The following CAST variants were observed in gnomAD, a reference collection of about 807,000 sequenced individuals.
CAST encodes the protein MIR583 host.
Under a neutral mutation model 119.6 loss-of-function variants are expected in CAST, and 76 were observed. The observed-to-expected ratio is 0.64, with a 90% CI of 0.53 to 0.77. The LOEUF (loss-of-function observed/expected upper bound fraction) is 0.77, where lower values mean the gene tolerates loss of function less well. Ranked by LOEUF, CAST falls within the 30% of genes least tolerant of loss-of-function variation. The pLI is 0.00. For synonymous variants in CAST, 319 were observed against 331.6 expected (o/e 0.96, Z 0.41); for missense variants, 953 against 946.5 (o/e 1.01, Z -0.09).
At chr5:96,550,274 G>A (rs1209233346) in intron 1 of CAST, among the ~76,000 whole-genome samples, 4 of 152,228 alleles carry the variant, frequency 2.6e-5, no homozygotes, top group South Asian at 2.1e-4. Flanking sequence ...GGCAAACAGG[G>A]TCTGGAGTGG....
the CAST span, among the ~76,000 whole-genome samples, chr5:96,152,228 A>G: frequency 6.6e-6 from 1 of 152,170 alleles, no homozygotes; most frequent in African/African-American, 2.4e-5. Flanking sequence ...TGGAAAAATG[A>G]CTCACCTTTG....
the CAST span, among the ~76,000 whole-genome samples, chr5:96,050,376 G>T: frequency 6.6e-6 from 1 of 152,072 alleles, no homozygotes; most frequent in African/African-American, 2.4e-5. Context: ...GAAGTATAGG[G>T]TGGGAGGGGG....
the CAST span, among the ~76,000 whole-genome samples, chr5:96,103,337 T>C: frequency 7.0e-6 from 1 of 142,884 alleles, no homozygotes; most frequent in Non-Finnish European, 1.5e-5. Context: ...CTCCCAATGC[T>C]ATCCCTCCCC....
At chr5:96,342,487 C>T in the CAST span, among the ~76,000 whole-genome samples, 1 of 152,138 alleles carries the variant, frequency 6.6e-6, no homozygotes, top group African/African-American at 2.4e-5. Flanking sequence ...GATCTGGAAG[C>T]CACTCTTGGA....
the CAST span, among the ~76,000 whole-genome samples, chr5:96,300,532 T>G: frequency 6.6e-6 from 1 of 152,172 alleles, no homozygotes; most frequent in Non-Finnish European, 1.5e-5. Flanking sequence ...TCAAGTAGTG[T>G]GATGCTTCCA....
intron 1 of CAST, among the ~76,000 whole-genome samples, chr5:96,580,804 G>C (rs1043506084): frequency 6.6e-6 from 1 of 152,242 alleles, no homozygotes; most frequent in African/African-American, 2.4e-5. Context: ...GCTATGGTAT[G>C]AATGTTTCTG....
At chr5:96,301,230 A>G in the CAST span, among the ~76,000 whole-genome samples, 9 of 152,210 alleles carry the variant, frequency 5.9e-5, no homozygotes, top group African/African-American at 2.2e-4. Context: ...AGATCTTATG[A>G]GAACTCACTT....
chr5:96,304,074 A>G, the CAST span, among the ~76,000 whole-genome samples: 1 of 152,200 alleles, frequency 6.6e-6, no homozygotes, highest in Non-Finnish European at 1.5e-5. Context: ...CAACAGTGTA[A>G]AAGCGTTCCT....
the CAST span, among the ~76,000 whole-genome samples, chr5:96,498,679 A>G: frequency 1.1e-4 from 16 of 152,356 alleles, 1 homozygote; most frequent in African/African-American, 3.6e-4. Flanking sequence ...GTAAATAATT[A>G]TCTTGTTAAC....
At chr5:95,978,492 G>A in the CAST span, among the ~76,000 whole-genome samples, 1 of 151,850 alleles carries the variant, frequency 6.6e-6, no homozygotes, top group African/African-American at 2.4e-5. Flanking sequence ...TTTTTTATGT[G>A]GTTGTTTTTT....
chr5:96,455,708 G>T, the CAST span, among the ~76,000 whole-genome samples: 3 of 152,100 alleles, frequency 2.0e-5, no homozygotes, highest in Non-Finnish European at 4.4e-5. Flanking sequence ...CTGGCTTTTC[G>T]CATAGCTTAA....
At chr5:96,284,308 A>G in the CAST span, among the ~76,000 whole-genome samples, 1 of 152,116 alleles carries the variant, frequency 6.6e-6, no homozygotes, top group Admixed American at 6.5e-5. Flanking sequence ...TCTCATCTCA[A>G]TCCTCAATCA....
intron 1 of CAST, among the ~76,000 whole-genome samples, chr5:96,616,791 C>CAT (rs1747467034): frequency 7.0e-6 from 1 of 143,028 alleles, no homozygotes; most frequent in Non-Finnish European, 1.5e-5. Flanking sequence ...CACACACACA[C>CAT]ACACATATAC....
At chr5:96,696,950 C>G (rs1383978441) in intron 3 of CAST, among the ~76,000 whole-genome samples, 4 of 151,968 alleles carry the variant, frequency 2.6e-5, no homozygotes, top group Admixed American at 1.3e-4. Context: ...ATCACGAGGT[C>G]AGAAGTTCAA....
Position 96,729,695 on chromosome 5 carries a change from G to A in CAST, c.519G>A (p.Gln173=), listed in dbSNP as rs1339875220. Residue 173 remains glutamine, a synonymous_variant, in exon 8 of 32, where the codon CAG becomes CAA. Transcript: ENST00000675179. ...AAGCAGTTTCCAGATCAGCTGAACA[G>A]CAGCCATCAGAGAAATCAACAGAAC... ...NKKAVSRSAE[Q]QPSEKSTEPK... 6.4e-7 allele frequency: 1 copy of A among 1,559,182 alleles called. No homozygotes were observed. The highest frequency in any genetic ancestry group is 8.8e-7 in the Non-Finnish European group (1 of 1,130,068).
the CAST span, among the ~76,000 whole-genome samples, chr5:96,387,641 A>G: frequency 6.6e-6 from 1 of 152,178 alleles, no homozygotes; most frequent in South Asian, 2.1e-4. Context: ...GGAACACTCA[A>G]ATGATACTCT....
the CAST span, among the ~76,000 whole-genome samples, chr5:96,183,552 A>G: frequency 2.6e-5 from 4 of 152,170 alleles, no homozygotes; most frequent in African/African-American, 4.8e-5. Flanking sequence ...TTTATTATGA[A>G]GCATTACTTC....
At chr5:96,441,321 T>A in the CAST span, among the ~76,000 whole-genome samples, 11 of 152,228 alleles carry the variant, frequency 7.2e-5, no homozygotes, top group Admixed American at 7.2e-4. Flanking sequence ...TTTTAGTGTG[T>A]TCCCCTTCCT....
chr5:96,522,698 C>T (rs1449477603), upstream of CAST, among the ~76,000 whole-genome samples: 3 of 152,150 alleles, frequency 2.0e-5, no homozygotes, highest in African/African-American at 4.8e-5. Context: ...CCATTCCATT[C>T]GCAGGTATTT....
Sources: allele counts gnomAD v4.1 joint callset (sites outside exome capture counted in the v4.1 genomes callset), GRCh38; gene constraint gnomAD v4.1.1; transcripts MANE v1.5; gene names NCBI Gene and HGNC (gene_info 2026-07-23, HGNC 2026-07-21).